CSMD1: variants seen among roughly 807,000 people sequenced by gnomAD.
The protein encoded by CSMD1 is CUB and sushi domain-containing protein 1.
A neutral mutation model predicts 417.5 loss-of-function variants in CSMD1; 213 were observed. The observed-to-expected ratio is 0.51, with a 90% confidence interval of 0.46 to 0.57. The LOEUF (loss-of-function observed/expected upper bound fraction) is 0.57, where lower values mean the gene tolerates loss of function less well. Among genes scored for constraint, CSMD1 ranks in the 20% least tolerant of loss-of-function variants. The probability of loss-of-function intolerance (pLI) is 0.00; values close to 1 mark genes in which losing one functional copy is unlikely to be tolerated. For missense variants in CSMD1, 6,923 were observed against 4,529.7 expected, an observed-to-expected ratio of 1.53 and a Z score of -15.17; for synonymous variants, 2,862 against 1,736.8, an observed-to-expected ratio of 1.65 and a Z score of -16.11.
In CSMD1 at chr8:4,482,895, T is replaced by A. The variant is rs527721864; in HGVS notation, c.303-62830A>T. Among the ~76,000 whole-genome samples the A allele has an allele frequency of 3.9e-5, 6 of 152,308 alleles. 1 individual carries two copies. The South Asian group carries it at 1.2e-3, about 32-fold the overall frequency. On this transcript the variant is annotated intron_variant, in intron 2 of 69. Coordinates refer to ENST00000635120, the MANE Select transcript of CSMD1 (RefSeq NM_033225.6). ...GAACTTCATAAAGTAGGGGCATGTA[T>A]GTAAAATTTTCCAAATATATTAATT... is the stretch of plus-strand genomic sequence containing the variant.
In CSMD1 at chr8:4,480,258, C is replaced by G. The variant is rs992962394; in HGVS notation, c.303-60193G>C. Among the ~76,000 whole-genome samples, 4 of 151,652 alleles carry G rather than the reference C, an allele frequency of 2.6e-5. No homozygotes were observed. The East Asian group carries it at 5.8e-4, about 22-fold the overall frequency. On this transcript the variant is annotated intron_variant, in intron 2 of 69. Coordinates refer to ENST00000635120, the MANE Select transcript of CSMD1 (RefSeq NM_033225.6). Reference sequence around the variant, plus strand: ...AAGGAAAAAGCAGGACTTCTCATGTCTAGGGTAGCTCTGAGTTGACCCCCA... The same window carrying G: ...AAGGAAAAAGCAGGACTTCTCATGTGTAGGGTAGCTCTGAGTTGACCCCCA...
chr8:4,935,239 C>T (rs757134825), intron 1 of CSMD1, among the ~76,000 whole-genome samples: 4 of 152,172 alleles, frequency 2.6e-5, no homozygotes, highest in South Asian at 2.1e-4. Flanking sequence ...GTTCTTCCTG[C>T]CCCACACCTT....
At chr8:2,987,360 T>C (rs989007192) in intron 54 of CSMD1, among the ~76,000 whole-genome samples, 1 of 149,606 alleles carries the variant, frequency 6.7e-6, no homozygotes, top group African/African-American at 2.4e-5. Context: ...ATACATCATA[T>C]ATATAAATAA....
intron 3 of CSMD1, among the ~76,000 whole-genome samples, chr8:4,277,881 G>C (rs981005264): frequency 6.6e-6 from 1 of 151,962 alleles, no homozygotes; most frequent in Non-Finnish European, 1.5e-5. Flanking sequence ...CCGAGTAGAT[G>C]GGACTACAGG....
chr8:4,407,664 G>A (rs1038267313), intron 3 of CSMD1, among the ~76,000 whole-genome samples: 1 of 152,156 alleles, frequency 6.6e-6, no homozygotes, highest in Non-Finnish European at 1.5e-5. Flanking sequence ...CTTTGTCTTT[G>A]TGAACTTCAT....
chr8:3,078,068 G>A (rs1351290297), intron 49 of CSMD1, among the ~76,000 whole-genome samples: 1 of 152,162 alleles, frequency 6.6e-6, no homozygotes, highest in Non-Finnish European at 1.5e-5. Context: ...TCAACGCGAA[G>A]CACATTAAAC....
At chr8:3,813,468 C>G (rs1045457189) in intron 5 of CSMD1, among the ~76,000 whole-genome samples, 3 of 152,064 alleles carry the variant, frequency 2.0e-5, no homozygotes, top group South Asian at 2.1e-4. Context: ...TTAGTAATGT[C>G]GTATCTTTTG....
chr8:3,122,524 G>C (rs1001709433), intron 41 of CSMD1, among the ~76,000 whole-genome samples: 5 of 152,174 alleles, frequency 3.3e-5, no homozygotes, highest in Non-Finnish European at 7.4e-5. Flanking sequence ...ATCTCAACTT[G>C]AATTGTATCT....
At chr8:4,895,753 CAA>C (rs982804222) in intron 1 of CSMD1, among the ~76,000 whole-genome samples, 2 of 151,740 alleles carry the variant, frequency 1.3e-5, no homozygotes, top group African/African-American at 4.9e-5. Flanking sequence ...AGTAATTAAC[CAA>C]AGATATTAAA....
chr8:4,117,391 C>T (rs1159247273), intron 3 of CSMD1, among the ~76,000 whole-genome samples: 1 of 151,128 alleles, frequency 6.6e-6, no homozygotes, highest in East Asian at 1.9e-4. Context: ...AAAGGAGCTC[C>T]CAAGCTGAAC....
At chr8:4,664,138 C>A (rs1351498063) in intron 1 of CSMD1, among the ~76,000 whole-genome samples, 1 of 152,160 alleles carries the variant, frequency 6.6e-6, no homozygotes, top group Admixed American at 6.5e-5. Context: ...GACAGGTACA[C>A]CAGCTGGTAA....
chr8:3,715,865 A>C (rs1284538280), intron 6 of CSMD1, among the ~76,000 whole-genome samples: 1 of 152,138 alleles, frequency 6.6e-6, no homozygotes, highest in Non-Finnish European at 1.5e-5. Context: ...TTTAAAAGGC[A>C]CACGGCCTGC....
intron 23 of CSMD1, among the ~76,000 whole-genome samples, chr8:3,315,053 T>C (rs987347650): frequency 6.6e-6 from 1 of 152,210 alleles, no homozygotes; most frequent in Non-Finnish European, 1.5e-5. Context: ...GAAAAAAGCT[T>C]GAAGTATTTA....
intron 5 of CSMD1, among the ~76,000 whole-genome samples, chr8:3,783,785 G>T (rs923713113): frequency 4.6e-5 from 7 of 152,164 alleles, no homozygotes; most frequent in African/African-American, 1.7e-4. Context: ...AGTCGCATAG[G>T]AGACACTGAG....
intron 1 of CSMD1, among the ~76,000 whole-genome samples, chr8:4,850,913 C>CCCCA (rs1331435796): frequency 4.8e-5 from 7 of 145,878 alleles, no homozygotes; most frequent in Admixed American, 2.1e-4. Flanking sequence ...CTTGCCCCCC[C>CCCCA]ACTTTTTGTG....
rs138522575 is a variant in CSMD1 at position 3,103,891 on chromosome 8, G to A, written c.6949+2637C>T. ...CCCAAGTAGCTGGGATTACAGGCAC[G>A]TGCCACCACACGCAGCTAATTTTGT... On this transcript the variant is annotated intron_variant, in intron 46 of 69. Coordinates refer to ENST00000635120, the MANE Select transcript of CSMD1 (RefSeq NM_033225.6). Among the ~76,000 whole-genome samples, 13 of 151,950 alleles carry A rather than the reference G, an allele frequency of 8.6e-5. No homozygotes were observed. The East Asian group carries it at 1.9e-3, about 23-fold the overall frequency.
At chr8:4,230,582 C>G (rs185823659) in intron 3 of CSMD1, among the ~76,000 whole-genome samples, 46 of 152,264 alleles carry the variant, frequency 3.0e-4, no homozygotes, top group Non-Finnish European at 5.3e-4. Flanking sequence ...AAAACACATC[C>G]TTAATGTTCA....
intron 3 of CSMD1, among the ~76,000 whole-genome samples, chr8:4,223,313 G>C (rs897758568): frequency 6.6e-6 from 1 of 152,164 alleles, no homozygotes; most frequent in African/African-American, 2.4e-5. Flanking sequence ...ACACTCGTGG[G>C]GACTCTGAAG....
intron 6 of CSMD1, among the ~76,000 whole-genome samples, chr8:3,743,757 C>G (rs1185068739): frequency 6.6e-6 from 1 of 152,150 alleles, no homozygotes; most frequent in Non-Finnish European, 1.5e-5. Flanking sequence ...TAAAATTTCA[C>G]CATGGCGATG....
Sources: allele counts gnomAD v4.1 joint callset (sites outside exome capture counted in the v4.1 genomes callset), GRCh38; gene constraint gnomAD v4.1.1; transcripts MANE v1.5; gene names NCBI Gene and HGNC (gene_info 2026-07-23, HGNC 2026-07-21).